TMEM164: variants seen among roughly 807,000 people sequenced by gnomAD.
TMEM164 encodes the protein RP13-360B22.2.
A neutral mutation model predicts 18.8 loss-of-function variants in TMEM164; 4 were observed. That is an observed-to-expected ratio of 0.21 (90% CI 0.10 to 0.49). The LOEUF is 0.49. Among genes scored for constraint, TMEM164 ranks in the 20% least tolerant of loss-of-function variants. TMEM164 has a pLI of 0.98. For synonymous variants in TMEM164, 86 were observed against 101.7 expected (o/e 0.85, Z 0.93); for missense variants, 108 against 239.9 (o/e 0.45, Z 3.63).
At chrX:110,170,579 A>G (rs780582164) in intron 5 of TMEM164, among the ~76,000 whole-genome samples, 2 of 111,435 alleles carry the variant, frequency 1.8e-5, no homozygotes, top group South Asian at 7.6e-4. Flanking sequence ...AGTGATACCC[A>G]CAACATCCTA....
chrX:110,138,681 C>G (rs1197402459), intron 4 of TMEM164, among the ~76,000 whole-genome samples: 2 of 112,284 alleles, frequency 1.8e-5, no homozygotes, highest in African/African-American at 6.5e-5. Context: ...TCAACTGCAT[C>G]AAATACTGTT....
intron 5 of TMEM164, among the ~76,000 whole-genome samples, chrX:110,166,224 C>G (rs2067157237): frequency 8.9e-6 from 1 of 112,322 alleles, no homozygotes; most frequent in African/African-American, 3.2e-5. Context: ...CTACCCTAAC[C>G]CCTTCTGGTT....
At chrX:110,029,828 T>C (rs1934369060) in intron 2 of TMEM164, among the ~76,000 whole-genome samples, 1 of 111,192 alleles carries the variant, frequency 9.0e-6, no homozygotes, top group Admixed American at 9.6e-5. Context: ...CTAGTCCTCT[T>C]TGCTAGCCCT....
Position 110,176,505 on chromosome X carries a change from C to T in TMEM164, c.*3054C>T. 1 of 669,876 alleles carries T rather than the reference C, an allele frequency of 1.5e-6. No homozygotes were observed. 55.2% of individuals were successfully genotyped at this position (669,876 alleles called of 1,213,427 possible). A position where few individuals can be genotyped will look rare whatever the true frequency, so the allele number is the denominator to read the frequency against. ...CATTCATAGAAGCTGCTTGCAGGGT[C>T]GCCGGGCTAACCAGGGTGATCGGCG... On this transcript the variant is annotated 3_prime_UTR_variant, in exon 7 of 7. Coordinates refer to ENST00000372068, the MANE Select transcript of TMEM164 (RefSeq NM_032227.4).
intron 2 of TMEM164, among the ~76,000 whole-genome samples, chrX:110,026,365 A>G (rs1175582471): frequency 9.0e-6 from 1 of 111,418 alleles, no homozygotes; most frequent in African/African-American, 3.3e-5. Flanking sequence ...TACTCTGTAG[A>G]CGGCAGAGGG....
At chrX:110,036,186 T>C (rs1021667502) in intron 2 of TMEM164, among the ~76,000 whole-genome samples, 2 of 112,184 alleles carry the variant, frequency 1.8e-5, no homozygotes, top group African/African-American at 6.5e-5. Context: ...TTCATAAATG[T>C]ACCTTGGGCC....
Position 110,174,087 on chromosome X carries a change from C to G in TMEM164, c.*636C>G, listed in dbSNP as rs1313121067. ...CTGCCTGGGGTGGGAGGTGAGAGCA[C>G]CACCCAGCCCAAGGGCTAGATTCCA... On this transcript the variant is annotated 3_prime_UTR_variant, in exon 7 of 7. Coordinates refer to ENST00000372068, the MANE Select transcript of TMEM164 (RefSeq NM_032227.4). 8.9e-6 allele frequency: 1 copy of G among 112,082 alleles called. No individual in the cohort carries two copies. Among genetic ancestry groups the G allele is most frequent in the Non-Finnish European group, 1.9e-5 (1 of 53,753 alleles). 9.2% of individuals were successfully genotyped at this position (112,082 alleles called of 1,213,427 possible).
chrX:110,165,577 C>T (rs896799331), intron 5 of TMEM164, among the ~76,000 whole-genome samples: 3 of 112,162 alleles, frequency 2.7e-5, no homozygotes, highest in African/African-American at 9.7e-5. Flanking sequence ...CTCCTTCAGC[C>T]TTTTATCACA....
At chrX:110,036,855 C>T (rs757021933) in intron 2 of TMEM164, among the ~76,000 whole-genome samples, 3 of 111,275 alleles carry the variant, frequency 2.7e-5, no homozygotes, top group Non-Finnish European at 3.8e-5. Context: ...CCACATGTGG[C>T]TATTGTGCAC....
intron 2 of TMEM164, among the ~76,000 whole-genome samples, chrX:110,006,216 G>GA (rs1338669632): frequency 3.6e-5 from 4 of 110,658 alleles, no homozygotes; most frequent in African/African-American, 6.6e-5. Context: ...CTCCTGTGTG[G>GA]AAAAAAAGGA....
intron 4 of TMEM164, among the ~76,000 whole-genome samples, chrX:110,125,694 G>C (rs761625690): frequency 8.2e-4 from 92 of 112,590 alleles, no homozygotes; most frequent in African/African-American, 2.9e-3. Context: ...GCATGAGGCA[G>C]GCTCACTACA....
intron 2 of TMEM164, among the ~76,000 whole-genome samples, chrX:110,062,039 A>T (rs762451572): frequency 8.9e-6 from 1 of 112,247 alleles, no homozygotes; most frequent in South Asian, 3.7e-4. Context: ...TCAAAGCGTG[A>T]TATCAAAGAC....
chrX:110,054,321 TAAC>T (rs1414961771), intron 2 of TMEM164, among the ~76,000 whole-genome samples: 4 of 112,349 alleles, frequency 3.6e-5, no homozygotes, highest in African/African-American at 1.3e-4. Flanking sequence ...TTGTTGTTAC[TAAC>T]AACAGTATGA....
intron 4 of TMEM164, among the ~76,000 whole-genome samples, chrX:110,111,564 A>G (rs768456966): frequency 8.9e-6 from 1 of 112,150 alleles, no homozygotes; most frequent in East Asian, 2.8e-4. Flanking sequence ...CTAGGCTAAT[A>G]GAGTTAGTGA....
intron 4 of TMEM164, among the ~76,000 whole-genome samples, chrX:110,127,588 T>C (rs1312057401): frequency 8.9e-6 from 1 of 112,314 alleles, no homozygotes; most frequent in African/African-American, 3.2e-5. Context: ...TGAGAGAAGA[T>C]TCTTTTTCCT....
chrX:110,094,655 A>G (rs1475213540), intron 3 of TMEM164, among the ~76,000 whole-genome samples: 1 of 111,684 alleles, frequency 9.0e-6, no homozygotes, highest in Non-Finnish European at 1.9e-5. Flanking sequence ...GTGTCTTTTA[A>G]TTGGAGCATT....
intron 5 of TMEM164, among the ~76,000 whole-genome samples, chrX:110,145,367 A>AAATAAACC (rs1174273481): frequency 9.9e-5 from 11 of 111,555 alleles, no homozygotes; most frequent in African/African-American, 3.6e-4. Context: ...CACCCATGTA[A>AAATAAACC]AATAAACCAC....
At chrX:110,127,737 T>C (rs1266797239) in intron 4 of TMEM164, among the ~76,000 whole-genome samples, 1 of 111,605 alleles carries the variant, frequency 9.0e-6, no homozygotes, top group Non-Finnish European at 1.9e-5. Flanking sequence ...CTAGCCAGAA[T>C]TGGGGGAGCT....
chrX:110,107,458 C>T (rs1339758443), intron 3 of TMEM164, among the ~76,000 whole-genome samples: 1 of 112,166 alleles, frequency 8.9e-6, no homozygotes, highest in Non-Finnish European at 1.9e-5. Context: ...TCTTCTGGTT[C>T]TTGATTAAGG....
Sources: allele counts gnomAD v4.1 joint callset (sites outside exome capture counted in the v4.1 genomes callset), GRCh38; gene constraint gnomAD v4.1.1; transcripts MANE v1.5; gene names NCBI Gene and HGNC (gene_info 2026-07-23, HGNC 2026-07-21).